IL7: variants seen among roughly 807,000 people sequenced by gnomAD.
The protein encoded by IL7 is interleukin 7, also known as interleukin-7.
In IL7, 3 loss-of-function variants were observed where a neutral mutation model predicts 21.6. That is an observed-to-expected ratio of 0.14 (90% CI 0.06 to 0.36). The LOEUF (loss-of-function observed/expected upper bound fraction) is 0.36. Among genes scored for constraint, IL7 ranks in the 10% least tolerant of loss-of-function variants. The probability of loss-of-function intolerance (pLI) is 1.00; values close to 1 mark genes in which losing one functional copy is unlikely to be tolerated. For synonymous variants in IL7, 62 were observed against 68.1 expected (o/e 0.91, Z 0.44); for missense variants, 175 against 200.2 (o/e 0.87, Z 0.76).
intron 4 of IL7, chr8:78,676,125 T>TAAAA (rs145824687): frequency 1.0e-5 from 2 of 194,968 alleles, no homozygotes; most frequent in Non-Finnish European, 1.9e-5. Flanking sequence ...ACAAACAAAA[T>TAAAA]AAAAAAAAAA....
downstream of IL7, chr8:78,715,457 T>C: frequency 1.2e-6 from 1 of 817,572 alleles, no homozygotes; most frequent in Non-Finnish European, 1.8e-6. Context: ...TAATCTGGCT[T>C]TTAAGTTGTA....
Position 78,733,742 on chromosome 8 carries a change from T to C in IL7, c.505A>G (p.Lys169Glu), listed in dbSNP as rs1202895907. The C allele has an allele frequency of 3.7e-6, 6 of 1,601,396 alleles. No homozygotes were observed. The South Asian group carries it at 5.7e-5, about 15-fold the overall frequency. Residue 169 changes from lysine (K) to glutamate (E), a missense_variant, in exon 6 of 6, where the codon AAA (lysine) becomes GAA (glutamate). Lys to Glu is a moderately conservative substitution (Grantham distance 56, BLOSUM62 1). Coordinates refer to ENST00000263851, the MANE Select transcript of IL7 (RefSeq NM_000880.4). ...LLQEIKTCWN[K>E]ILMGTKEH ...TGTTCTTTAGTGCCCATCAAAATTT[T>C]ATTCCAACAAGTTTTTATCTCTTGT...
At chr8:78,697,435 A>G in intron 3 of IL7, 1 of 1,604,724 alleles carries the variant, frequency 6.2e-7, no homozygotes, top group East Asian at 2.2e-5. Flanking sequence ...AAAAAGTCAA[A>G]TTCTCCTGGA....
rs1331006360 is a variant in IL7 at position 78,699,704 on chromosome 8, G to A, written n.215-13757C>T. On this transcript the variant is annotated intron_variant and non_coding_transcript_variant, in intron 3 of 4. Coordinates refer to the IL7 transcript ENST00000523959. The stretch of plus-strand genomic sequence containing the variant: ...CTCATAATTTAGCTTCCACTTATAA[G>A]TGAGAACATGCAGTATTTGGTTTTC... Among the ~76,000 whole-genome samples, 2 of 152,122 alleles carry A rather than the reference G, an allele frequency of 1.3e-5. 1 individual carries two copies. Among genetic ancestry groups the A allele is most frequent in the Non-Finnish European group, 2.9e-5 (2 of 68,002 alleles).
At chr8:78,756,814 C>G (rs1367612451) in intron 2 of IL7, among the ~76,000 whole-genome samples, 1 of 150,926 alleles carries the variant, frequency 6.6e-6, no homozygotes. Flanking sequence ...TTATGTTTAT[C>G]TTTTCAAGAA....
At chr8:78,705,452 G>T (rs1247054613) in intron 3 of IL7, among the ~76,000 whole-genome samples, 1 of 152,124 alleles carries the variant, frequency 6.6e-6, no homozygotes, top group Admixed American at 6.5e-5. Context: ...CCCTCCTCCT[G>T]GGAGCTTCAT....
chr8:78,747,518 C>G (rs968654031), intron 2 of IL7, among the ~76,000 whole-genome samples: 1 of 152,068 alleles, frequency 6.6e-6, no homozygotes, highest in Non-Finnish European at 1.5e-5. Flanking sequence ...TTTTAAAATG[C>G]GCTGCTTATT....
chr8:78,683,448 G>T (rs1173885965), intron 4 of IL7, among the ~76,000 whole-genome samples: 3 of 152,222 alleles, frequency 2.0e-5, no homozygotes, highest in Admixed American at 2.0e-4. Context: ...CTTTGGGCTT[G>T]CACCTCTGAA....
At chr8:78,683,145 A>G (rs1278283277) in intron 4 of IL7, among the ~76,000 whole-genome samples, 2 of 152,124 alleles carry the variant, frequency 1.3e-5, no homozygotes, top group South Asian at 2.1e-4. Flanking sequence ...CAGGCACACA[A>G]TGCAACCTGT....
chr8:78,763,970 A>AT (rs1812665597), intron 2 of IL7, among the ~76,000 whole-genome samples: 1 of 151,988 alleles, frequency 6.6e-6, no homozygotes, highest in African/African-American at 2.4e-5. Context: ...TCAATTTGCT[A>AT]TTGGGGATAG....
intron 3 of IL7, among the ~76,000 whole-genome samples, chr8:78,709,745 T>C (rs1204843998): frequency 6.6e-6 from 1 of 151,692 alleles, no homozygotes; most frequent in Non-Finnish European, 1.5e-5. Context: ...AATTTCATAA[T>C]GTTTTAAGAA....
At chr8:78,804,869 G>C in intron 1 of IL7, 44 bp downstream of exon 1, 2 of 1,611,386 alleles carry the variant, frequency 1.2e-6, no homozygotes, top group Non-Finnish European at 1.7e-6. Context: ...TTGCCCCGGC[G>C]CGTCGGGCGC....
Position 78,758,486 on chromosome 8 carries a change from C to A in IL7, c.148-18404G>T, listed in dbSNP as rs551058954. Reference sequence around the variant, plus strand: ...GTGCTTTCTAAATAGTAGACATCATCCTTTTACTTATAGATGTTGTACTCC... The same window carrying A: ...GTGCTTTCTAAATAGTAGACATCATACTTTTACTTATAGATGTTGTACTCC... On this transcript the variant is annotated intron_variant, in intron 2 of 5. Transcript: ENST00000263851. 2.0e-5 allele frequency among the ~76,000 whole-genome samples: 3 copies of A among 151,918 alleles called. No homozygotes were observed. In the East Asian group the frequency reaches 5.8e-4, roughly 29 times the overall value.
intron 2 of IL7, among the ~76,000 whole-genome samples, chr8:78,778,698 T>A (rs929750213): frequency 1.3e-5 from 2 of 152,166 alleles, no homozygotes; most frequent in Non-Finnish European, 2.9e-5. Context: ...GCTTTGTTCT[T>A]TTTGCTTAGG....
chr8:78,754,730 A>G (rs748806734), intron 2 of IL7, among the ~76,000 whole-genome samples: 8 of 152,166 alleles, frequency 5.3e-5, no homozygotes, highest in Non-Finnish European at 1.2e-4. Context: ...TATTCTGAAA[A>G]TTAATCCCTT....
chr8:78,719,661 A>G (rs1247502172), intron 5 of IL7: 2 of 151,738 alleles, frequency 1.3e-5, no homozygotes, highest in South Asian at 4.1e-4. Context: ...GTTGAAAAAG[A>G]TGATTGTGGT....
At chr8:78,751,222 G>T (rs184893306) in intron 2 of IL7, among the ~76,000 whole-genome samples, 1 of 152,030 alleles carries the variant, frequency 6.6e-6, no homozygotes, top group African/African-American at 2.4e-5. Context: ...AAGGGATGAA[G>T]AAAATATCTA....
chr8:78,796,013 G>A (rs1030398246), intron 2 of IL7, among the ~76,000 whole-genome samples: 3 of 152,008 alleles, frequency 2.0e-5, no homozygotes, highest in African/African-American at 7.2e-5. Flanking sequence ...CCCATCTTAT[G>A]AACATTTGAG....
downstream of IL7, among the ~76,000 whole-genome samples, chr8:78,729,939 G>C (rs1811395768): frequency 1.3e-5 from 2 of 151,938 alleles, no homozygotes; most frequent in Non-Finnish European, 2.9e-5. Context: ...TTGTTGAGCT[G>C]AGCAGTGGAG....
Sources: gnomAD v4.1 joint callset for allele counts (sites outside exome capture counted in the v4.1 genomes callset) on GRCh38, gnomAD v4.1.1 for gene constraint, MANE v1.5 for transcripts, NCBI Gene and HGNC (gene_info 2026-07-23, HGNC 2026-07-21) for gene names.